Variants in FXYD6 observed in about 807,000 individuals in gnomAD.
The protein encoded by FXYD6 is FXYD domain containing ion transport regulator 6.
FXYD6 carries 7 observed loss-of-function variants against 16.7 expected under a neutral mutation model. The observed-to-expected ratio is 0.42, with a 90% CI of 0.24 to 0.79. The LOEUF (loss-of-function observed/expected upper bound fraction) is 0.79. Among genes scored for constraint, FXYD6 ranks in the 30% least tolerant of loss-of-function variants. FXYD6 has a pLI of 0.28. For missense variants in FXYD6, 111 were observed against 116.2 expected (o/e 0.95, Z 0.21); for synonymous variants, 49 against 43.0 (o/e 1.14, Z -0.54).
intron 1 of FXYD6, among the ~76,000 whole-genome samples, chr11:117,854,168 T>A (rs1331960836): frequency 1.3e-5 from 2 of 152,090 alleles, no homozygotes; most frequent in African/African-American, 4.8e-5. Flanking sequence ...AGTCAAGATG[T>A]GGAAGGTAGA....
chr11:117,858,781 TTTC>T (rs750791053), intron 1 of FXYD6, among the ~76,000 whole-genome samples: 4 of 73,982 alleles, frequency 5.4e-5, no homozygotes, highest in Non-Finnish European at 1.3e-4. Flanking sequence ...TCCTTCCTTC[TTTC>T]TTTTCTTTTT....
At chr11:117,841,706 G>A (rs1395609988) in intron 4 of FXYD6, 85 bp downstream of exon 4, 2 of 1,520,220 alleles carry the variant, frequency 1.3e-6, no homozygotes, top group Non-Finnish European at 1.8e-6. Flanking sequence ...CCAGGAGAGG[G>A]ACCAACCAGG....
chr11:117,870,040 G>A lies in FXYD6; in HGVS notation c.-6+6552C>T. Among the ~76,000 whole-genome samples the A allele has an allele frequency of 6.6e-6, 1 of 152,232 alleles. No homozygotes were observed. The highest frequency in any genetic ancestry group is 1.9e-4 in the East Asian group (1 of 5,192). ...CCCAGCCCCCTTCCCAGGTCTTGCT[G>A]TCACCTCACCATCACTGACAACCGT... On this transcript the variant is annotated intron_variant, in intron 1 of 7. Coordinates refer to ENST00000526014, the MANE Select transcript of FXYD6 (RefSeq NM_022003.4). The surrounding 1 kb of genome is among the most constrained non-coding windows in gnomAD (Gnocchi z 4.2).
In FXYD6 at chr11:117,858,743, T is replaced by C. The variant is rs1425816346; in HGVS notation, c.-5-15962A>G. 1.4e-4 allele frequency among the ~76,000 whole-genome samples: 18 copies of C among 125,770 alleles called. 1 individual carries two copies. Among genetic ancestry groups the C allele is most frequent in the African/African-American group, 5.0e-4 (16 of 32,030 alleles). The allele number at this position is 125,770 out of a possible 152,430, so 82.5% of individuals were successfully genotyped here. A position where few individuals can be genotyped will look rare whatever the true frequency, so the allele number is the denominator to read the frequency against. On this transcript the variant is annotated intron_variant, in intron 1 of 7. Transcript: ENST00000526014. ...TCCTTCCCTTCCTTCCTTCCTTCCT[T>C]CCTTCCTTCCTTCCTTCCTTCCTTC...
chr11:117,838,400 G>A (rs922846383), intron 7 of FXYD6, 123 bp from the exon 8 acceptor site: 15 of 677,944 alleles, frequency 2.2e-5, no homozygotes, highest in African/African-American at 5.3e-5. Context: ...CGTCTGAGAC[G>A]CAGAGAAAGG....
At chr11:117,867,838 G>GA (rs898466362) in intron 1 of FXYD6, among the ~76,000 whole-genome samples, 48 of 142,566 alleles carry the variant, frequency 3.4e-4, no homozygotes, top group African/African-American at 5.2e-4. Context: ...AAGAGCTTCA[G>GA]AAAAAAAAAA....
intron 1 of FXYD6, among the ~76,000 whole-genome samples, chr11:117,850,855 T>C (rs2056595074): frequency 2.0e-5 from 3 of 152,148 alleles, no homozygotes; most frequent in African/African-American, 7.2e-5. Context: ...ATAGAAACTA[T>C]TTTAATCTTT....
chr11:117,849,424 G>A (rs949374598), intron 1 of FXYD6, among the ~76,000 whole-genome samples: 16 of 152,166 alleles, frequency 1.1e-4, no homozygotes, highest in African/African-American at 3.6e-4. Context: ...TACATGGTCA[G>A]TTATTAAAAG....
intron 1 of FXYD6, among the ~76,000 whole-genome samples, chr11:117,850,786 C>T (rs2056591996): frequency 6.6e-6 from 1 of 151,772 alleles, no homozygotes; most frequent in African/African-American, 2.4e-5. Context: ...AGCCACTGCC[C>T]CTAGCTTAGT....
chr11:117,874,735 C>T (rs1476900262), intron 1 of FXYD6, among the ~76,000 whole-genome samples: 3 of 152,202 alleles, frequency 2.0e-5, no homozygotes, highest in Non-Finnish European at 2.9e-5. Flanking sequence ...AAAAGAGCAG[C>T]GGCAGTGGAG....
In FXYD6 at chr11:117,870,292, G is replaced by A. The variant is rs1391622023; in HGVS notation, c.-6+6300C>T. On this transcript the variant is annotated intron_variant, in intron 1 of 7. Transcript: ENST00000526014. This position sits in a 1 kb window ranked among gnomAD's most constrained non-coding sequence, Gnocchi z 4.2. ...GCTCCAGAGAGTCTGAATGGTGAGT[G>A]GTATTGCACAGAAGCCACAGGCTGG... Among the ~76,000 whole-genome samples, 2 of 152,210 alleles carry A rather than the reference G, an allele frequency of 1.3e-5. No homozygotes were observed. Among genetic ancestry groups the A allele is most frequent in the Non-Finnish European group, 2.9e-5 (2 of 68,040 alleles).
intron 1 of FXYD6, among the ~76,000 whole-genome samples, chr11:117,868,646 T>C (rs1057166115): frequency 2.0e-5 from 3 of 152,168 alleles, no homozygotes; most frequent in Non-Finnish European, 4.4e-5. Context: ...TAATAAAGTG[T>C]CAATGTTAGT....
At chr11:117,869,670 AAAGAAG>A (rs60207647) in intron 1 of FXYD6, among the ~76,000 whole-genome samples, 33 of 151,680 alleles carry the variant, frequency 2.2e-4, no homozygotes, top group African/African-American at 4.1e-4. Context: ...GACAGAGGAA[AAAGAAG>A]AAGAAGAAGA....
Position 117,870,063 on chromosome 11 carries a change from C to T in FXYD6, c.-6+6529G>A, listed in dbSNP as rs2057102319. ...CTGTCACCTCACCATCACTGACAAC[C>T]GTGACACTGTGGCATCCCAGCCATC... On this transcript the variant is annotated intron_variant, in intron 1 of 7. Transcript: ENST00000526014. This position sits in a 1 kb window ranked among gnomAD's most constrained non-coding sequence, Gnocchi z 4.2. 6.6e-6 allele frequency among the ~76,000 whole-genome samples: 1 copy of T among 152,252 alleles called. No individual in the cohort carries two copies. Among genetic ancestry groups the T allele is most frequent in the South Asian group, 2.1e-4 (1 of 4,834 alleles).
chr11:117,866,923 C>A (rs972543869), intron 1 of FXYD6, among the ~76,000 whole-genome samples: 3 of 151,836 alleles, frequency 2.0e-5, no homozygotes, highest in South Asian at 2.1e-4. Context: ...GGTGTAGAAT[C>A]GAAATAAAGG....
intron 2 of FXYD6, 109 bp downstream of exon 2, chr11:117,842,610 A>G: frequency 1.8e-6 from 2 of 1,114,442 alleles, no homozygotes; most frequent in South Asian, 2.8e-5. Flanking sequence ...GACATGAAGA[A>G]CGTGAGAGTC....
intron 1 of FXYD6, among the ~76,000 whole-genome samples, chr11:117,849,629 TA>T (rs2056557349): frequency 6.6e-6 from 1 of 151,986 alleles, no homozygotes; most frequent in Non-Finnish European, 1.5e-5. Flanking sequence ...TGTATCCCCA[TA>T]TTTGAAACAG....
Position 117,837,907 on chromosome 11 carries a change from CACGGGGGCAGGGA to C in FXYD6, c.*379_*391del. 1 of 392,672 alleles carries C rather than the reference CACGGGGGCAGGGA, an allele frequency of 2.5e-6. No homozygotes were observed. Among genetic ancestry groups the C allele is most frequent in the Non-Finnish European group, 4.7e-6 (1 of 213,740 alleles). 24.3% of individuals were successfully genotyped at this position (392,672 alleles called of 1,614,324 possible). ...CTAGGAGCAGAAGGTGATGGAGGGC[CACGGGGGCAGGGA>C]GGAGCAGATGGCCATGTGGCTCAGC... On this transcript the variant is annotated 3_prime_UTR_variant, in exon 8 of 8. Transcript: ENST00000526014. The surrounding 1 kb of genome is among the most constrained non-coding windows in gnomAD (Gnocchi z 4.4).
At chr11:117,846,388 G>A (rs2056470392) in intron 1 of FXYD6, among the ~76,000 whole-genome samples, 1 of 152,126 alleles carries the variant, frequency 6.6e-6, no homozygotes, top group South Asian at 2.1e-4. Flanking sequence ...ATTGTCTTCT[G>A]TTGAACAGAA....
Sources: gnomAD v4.1 joint callset for allele counts (sites outside exome capture counted in the v4.1 genomes callset) on GRCh38, gnomAD v4.1.1 for gene constraint, Gnocchi (gnomAD v3.1) non-coding constraint, MANE v1.5 for transcripts, NCBI Gene and HGNC (gene_info 2026-07-23, HGNC 2026-07-21) for gene names.